Variants in SLC22A16 observed in about 807,000 individuals in gnomAD.
The protein encoded by SLC22A16 is WUGSC:RG331P03.1.
Under a neutral mutation model 52.9 loss-of-function variants are expected in SLC22A16, and 53 were observed. That is an observed-to-expected ratio of 1.00 (90% CI 0.80 to 1.26). The LOEUF (loss-of-function observed/expected upper bound fraction) is 1.26. Among genes scored for constraint, SLC22A16 ranks in the 50% most tolerant of loss-of-function variants. The pLI, the probability that SLC22A16 is intolerant of heterozygous loss-of-function variation, is 0.00. For missense variants in SLC22A16, 726 were observed against 704.0 expected, an observed-to-expected ratio of 1.03 and a Z score of -0.35; for synonymous variants, 291 against 268.8, an observed-to-expected ratio of 1.08 and a Z score of -0.81.
At chr6:110,454,924 TATATTATA>T (rs547463844) in intron 2 of SLC22A16, among the ~76,000 whole-genome samples, 121 of 92,118 alleles carry the variant, frequency 1.3e-3, no homozygotes, top group African/African-American at 5.5e-3. Flanking sequence ...ATATAATATA[TATATTATA>T]ATATATATAA....
At chr6:110,456,499 C>T (rs775824097) in intron 2 of SLC22A16, 39 bp downstream of exon 2, 2 of 1,605,314 alleles carry the variant, frequency 1.2e-6, no homozygotes, top group Non-Finnish European at 1.7e-6. Context: ...GGAAAATAAA[C>T]CCTACACTGA....
intron 6 of SLC22A16, among the ~76,000 whole-genome samples, chr6:110,432,294 A>G (rs1258568279): frequency 2.6e-5 from 4 of 152,228 alleles, no homozygotes; most frequent in Non-Finnish European, 5.9e-5. Context: ...AAATATTTAC[A>G]TATTGGATTT....
At chr6:110,438,485 C>A (rs547359143) in intron 5 of SLC22A16, among the ~76,000 whole-genome samples, 2 of 152,032 alleles carry the variant, frequency 1.3e-5, no homozygotes, top group Admixed American at 6.6e-5. Flanking sequence ...AGTCATTGCA[C>A]CCAGGTTAGG....
At chr6:110,461,246 C>T (rs1320523554) in intron 1 of SLC22A16, among the ~76,000 whole-genome samples, 1 of 152,162 alleles carries the variant, frequency 6.6e-6, no homozygotes, top group African/African-American at 2.4e-5. Context: ...TGACCCGAGG[C>T]CATTTTGGTG....
intron 1 of SLC22A16, among the ~76,000 whole-genome samples, chr6:110,467,654 A>G (rs1307879268): frequency 6.6e-6 from 1 of 152,246 alleles, no homozygotes; most frequent in Non-Finnish European, 1.5e-5. Context: ...AGTGTATCCA[A>G]AAATTTAGCC....
chr6:110,472,329 T>G (rs1328613820), intron 1 of SLC22A16, among the ~76,000 whole-genome samples: 2 of 152,108 alleles, frequency 1.3e-5, no homozygotes, highest in African/African-American at 2.4e-5. Flanking sequence ...TCTTTCTCTC[T>G]CACCTGGGCT....
rs563842600 is a variant in SLC22A16, at chr6:110,430,424, G to A, written c.1521+747C>T. On this transcript the variant is annotated intron_variant, in intron 7 of 7. Coordinates refer to ENST00000368919, the MANE Select transcript of SLC22A16 (RefSeq NM_033125.4). Reference sequence around the variant, plus strand: ...GCATGCAGGGGGCGGGGAGGAGGCTGGGAGGGAATCCGGCAGCCTGAGTCT... The same window carrying A: ...GCATGCAGGGGGCGGGGAGGAGGCTAGGAGGGAATCCGGCAGCCTGAGTCT... 1.1e-4 allele frequency among the ~76,000 whole-genome samples: 16 copies of A among 152,056 alleles called. No homozygotes were observed. In the South Asian group the frequency reaches 3.1e-3, roughly 30 times the overall value.
intron 1 of SLC22A16, among the ~76,000 whole-genome samples, chr6:110,473,760 C>T (rs537357332): frequency 3.3e-5 from 5 of 151,072 alleles, no homozygotes; most frequent in African/African-American, 4.9e-5. Context: ...CTCCCGACCT[C>T]GTGATCTGCC....
intron 1 of SLC22A16, among the ~76,000 whole-genome samples, chr6:110,470,156 A>G (rs1369416990): frequency 1.3e-5 from 2 of 152,194 alleles, no homozygotes; most frequent in Non-Finnish European, 2.9e-5. Flanking sequence ...CACCATGGCA[A>G]TAAGAGGCAT....
chr6:110,454,452 T>C (rs1775504755), intron 2 of SLC22A16, among the ~76,000 whole-genome samples: 1 of 148,974 alleles, frequency 6.7e-6, no homozygotes, highest in Non-Finnish European at 1.5e-5. Context: ...CAGTTAATGG[T>C]ATGCAACTTC....
intron 2 of SLC22A16, among the ~76,000 whole-genome samples, chr6:110,451,623 ATTGATGT>A (rs1249894003): frequency 1.3e-5 from 2 of 152,062 alleles, no homozygotes; most frequent in Non-Finnish European, 2.9e-5. Context: ...TCTTTTTCCC[ATTGATGT>A]AAGTAAAAAT....
chr6:110,431,795 G>A (rs775123180), intron 6 of SLC22A16, among the ~76,000 whole-genome samples: 24 of 152,186 alleles, frequency 1.6e-4, no homozygotes, highest in Non-Finnish European at 3.2e-4. Context: ...GTGTATATAA[G>A]CATGCACATA....
rs200271150 is a variant in SLC22A16 at position 110,456,619 on chromosome 6, T to G, written c.452A>C (p.Lys151Thr). Reference protein sequence around the residue: ...VTQWNLVCDRKWLAMLIQPLF... With the variant: ...VTQWNLVCDRTWLAMLIQPLF... ...GGGCTGGATCAGCATTGCAAGCCAT[T>G]TTCGGTCACAGACCAGGTTCCACTG... Residue 151 changes from lysine to threonine, a missense_variant, in exon 2 of 8, where the codon AAA becomes ACA. Physicochemically the swap from Lys to Thr is moderately conservative, Grantham distance 78 (BLOSUM62 -1). Transcript: ENST00000368919. The G allele has an allele frequency of 7.0e-5, 113 of 1,614,120 alleles. No homozygotes were observed. In the African/African-American group the frequency reaches 1.4e-3, roughly 20 times the overall value.
intron 2 of SLC22A16, among the ~76,000 whole-genome samples, chr6:110,449,501 C>CACTTTGTTTTTCTTAATATAGGGATAGG (rs1342949138): frequency 8.5e-5 from 13 of 152,224 alleles, no homozygotes; most frequent in African/African-American, 3.1e-4. Flanking sequence ...AACACATCTT[C>CACTTTGTTTTTCTTAATATAGGGATAGG]ACTTTGTTTT....
chr6:110,442,040 C>A (rs752968577), intron 4 of SLC22A16, among the ~76,000 whole-genome samples: 9 of 152,126 alleles, frequency 5.9e-5, no homozygotes, highest in Non-Finnish European at 1.3e-4. Flanking sequence ...TTTCCATGAA[C>A]TGGTTGAAGT....
chr6:110,467,387 T>C (rs1243432503), intron 1 of SLC22A16, among the ~76,000 whole-genome samples: 2 of 152,230 alleles, frequency 1.3e-5, no homozygotes, highest in Non-Finnish European at 2.9e-5. Context: ...GTTATTTATG[T>C]TGATTTTTTT....
chr6:110,475,524 C>G (rs1365582382), intron 1 of SLC22A16, among the ~76,000 whole-genome samples: 2 of 152,212 alleles, frequency 1.3e-5, no homozygotes, highest in East Asian at 3.8e-4. Context: ...CTCCTTTTTG[C>G]AGACACTGGG....
chr6:110,438,726 G>A lies in SLC22A16; in HGVS notation c.1305C>T (p.Ile435=). The change falls in exon 5 of 8, where the codon ATC becomes ATT. Residue 435 remains isoleucine, a synonymous_variant. Coordinates refer to ENST00000368919, the MANE Select transcript of SLC22A16 (RefSeq NM_033125.4). The part of the protein sequence containing the change: ...SALACGVVMV[I]PQKHYILGVV... ...AAAACAGAAGATAACTCACCTGGGG[G>A]ATCACCATAACGACACCACAGGCCA... The A allele has an allele frequency of 6.2e-7, 1 of 1,612,076 alleles. No homozygotes were observed. Among genetic ancestry groups the A allele is most frequent in the Non-Finnish European group, 8.5e-7 (1 of 1,179,260 alleles).
chr6:110,447,769 T>C (rs1775232260), intron 2 of SLC22A16, among the ~76,000 whole-genome samples: 1 of 152,202 alleles, frequency 6.6e-6, no homozygotes, highest in Non-Finnish European at 1.5e-5. Context: ...TATGTGGCCT[T>C]TTGTGTCTGA....
Sources: allele counts gnomAD v4.1 joint callset (sites outside exome capture counted in the v4.1 genomes callset), GRCh38; gene constraint gnomAD v4.1.1; transcripts MANE v1.5; gene names NCBI Gene and HGNC (gene_info 2026-07-23, HGNC 2026-07-21).